Variants in FHOD3 observed in about 807,000 individuals in gnomAD.
The protein encoded by FHOD3 is formin homology 2 domain containing 3, also known as FH1/FH2 domain-containing protein 3.
FHOD3 carries 90 observed loss-of-function variants against 173.0 expected under a neutral mutation model. The ratio of observed to expected loss-of-function variants is 0.52; its 90% confidence interval spans 0.44 to 0.62. The LOEUF is 0.62. Ranked by LOEUF, FHOD3 falls within the 20% of genes least tolerant of loss-of-function variation. The pLI is 0.00. For synonymous variants in FHOD3, 828 were observed against 823.0 expected, an observed-to-expected ratio of 1.01 and a Z score of -0.10; for missense variants, 1,945 against 2,034.7, an observed-to-expected ratio of 0.96 and a Z score of 0.85.
chr18:36,748,477 C>G lies in FHOD3; in HGVS notation c.4232+1342C>G, dbSNP rs529258373. 2.0e-5 allele frequency among the ~76,000 whole-genome samples: 3 copies of G among 152,068 alleles called. No individual in the cohort carries two copies. In the South Asian group the frequency reaches 6.2e-4, roughly 32 times the overall value. ...GAAACTGGAGTAATTTTATGAATGT[C>G]TTATAAAGCTGTTGAGCTTGGTTAT... is the stretch of plus-strand genomic sequence containing the variant. On this transcript the variant is annotated intron_variant, in intron 24 of 28. Coordinates refer to ENST00000590592, the MANE Select transcript of FHOD3 (RefSeq NM_001281740.3).
At position 36,464,328 on chromosome 18, in the gene FHOD3, A is replaced by G. The variant is rs946419319; in HGVS notation, c.338-37604A>G. On this transcript the variant is annotated intron_variant, in intron 3 of 28. Transcript: ENST00000590592. ...CATTAGTAACGTTTGAGCAGTTCCT[A>G]AGGACATTTTGCTGCCCTTAAAATT... 1.2e-4 allele frequency among the ~76,000 whole-genome samples: 18 copies of G among 152,222 alleles called. 1 individual carries two copies. The highest frequency in any genetic ancestry group is 4.1e-4 in the African/African-American group (17 of 41,460).
At position 36,780,181 on chromosome 18, in the gene FHOD3, C is replaced by T; in HGVS notation, c.*651C>T. The T allele has an allele frequency of 4.9e-6, 6 of 1,231,808 alleles. No homozygotes were observed. Among genetic ancestry groups the T allele is most frequent in the Non-Finnish European group, 6.1e-6 (6 of 988,028 alleles). The allele number at this position is 1,231,808 out of a possible 1,614,324, so 76.3% of individuals were successfully genotyped here. A position where few individuals can be genotyped will look rare whatever the true frequency, so the allele number is the denominator to read the frequency against. On this transcript the variant is annotated 3_prime_UTR_variant, in exon 29 of 29. Transcript: ENST00000590592. ...CCCTCGCTTGGAACGGCCTTCAGAT[C>T]CTTTGGGCTGTATTTTGTTAATAGA...
At chr18:36,309,246 C>A (rs2092187818) in intron 1 of FHOD3, among the ~76,000 whole-genome samples, 1 of 152,152 alleles carries the variant, frequency 6.6e-6, no homozygotes, top group Non-Finnish European at 1.5e-5. Context: ...TTTTCCGTTC[C>A]TGCCCATGCT....
At chr18:36,709,416 C>T (rs375936226) in intron 18 of FHOD3, 25 bp downstream of exon 18, 303 of 1,596,508 alleles carry the variant, frequency 1.9e-4, no homozygotes, top group Admixed American at 4.2e-4. Context: ...TTGTTTCAGT[C>T]GGCATGTGCC....
At chr18:36,690,995 A>G (rs113303225) in intron 16 of FHOD3, among the ~76,000 whole-genome samples, 4 of 152,244 alleles carry the variant, frequency 2.6e-5, no homozygotes, top group African/African-American at 7.2e-5. Context: ...AACTCTTCCC[A>G]TGTCTTACAG....
chr18:36,726,394 C>T (rs1425437176), intron 19 of FHOD3, among the ~76,000 whole-genome samples: 1 of 152,124 alleles, frequency 6.6e-6, no homozygotes, highest in Non-Finnish European at 1.5e-5. Context: ...TGCAGAACAA[C>T]TTTCTGATTT....
At chr18:36,646,285 G>A (rs2035676883) in intron 10 of FHOD3, among the ~76,000 whole-genome samples, 1 of 152,132 alleles carries the variant, frequency 6.6e-6, no homozygotes, top group South Asian at 2.1e-4. Context: ...TCAATAATAT[G>A]TACAGTAGCA....
intron 5 of FHOD3, among the ~76,000 whole-genome samples, chr18:36,529,172 A>G (rs964965525): frequency 4.6e-5 from 7 of 152,244 alleles, no homozygotes; most frequent in African/African-American, 7.2e-5. Flanking sequence ...TTTAACTTGA[A>G]TATGCTTTTG....
intron 16 of FHOD3, chr18:36,692,916 CA>C: frequency 2.4e-6 from 1 of 408,682 alleles, no homozygotes. Flanking sequence ...TGCTTATTTA[CA>C]AATGTTCCCT....
chr18:36,580,141 CA>C (rs1189893581), intron 6 of FHOD3, among the ~76,000 whole-genome samples: 3 of 152,090 alleles, frequency 2.0e-5, no homozygotes, highest in Non-Finnish European at 4.4e-5. Flanking sequence ...TTCAAAAATA[CA>C]TTTGTAGGAA....
intron 1 of FHOD3, among the ~76,000 whole-genome samples, chr18:36,298,780 A>AT (rs2091879815): frequency 6.7e-6 from 1 of 150,004 alleles, no homozygotes; most frequent in Non-Finnish European, 1.5e-5. Flanking sequence ...TTTATTTGTT[A>AT]TTTTTATTTA....
chr18:36,459,994 C>T (rs75581017), intron 3 of FHOD3, among the ~76,000 whole-genome samples: 7,332 of 152,154 alleles, frequency 0.048, 557 homozygotes, highest in African/African-American at 0.17. Flanking sequence ...CTAGTTTTGT[C>T]CAGTGCTGGT....
intron 3 of FHOD3, among the ~76,000 whole-genome samples, chr18:36,400,350 C>G (rs1424684444): frequency 6.6e-6 from 1 of 151,932 alleles, no homozygotes; most frequent in Non-Finnish European, 1.5e-5. Context: ...CTTTCCTGTT[C>G]CTCTTCTAAA....
intron 3 of FHOD3, among the ~76,000 whole-genome samples, chr18:36,383,147 G>A (rs1238237339): frequency 1.3e-5 from 2 of 152,194 alleles, no homozygotes; most frequent in African/African-American, 4.8e-5. Context: ...GCCCTGCTGT[G>A]TTCTGTTCTT....
intron 24 of FHOD3, among the ~76,000 whole-genome samples, chr18:36,752,906 G>A (rs968354567): frequency 4.6e-5 from 7 of 152,096 alleles, no homozygotes; most frequent in African/African-American, 1.4e-4. Context: ...TACAGATCTT[G>A]AATAGTTGTT....
chr18:36,732,554 C>G (rs1369892548), intron 20 of FHOD3, among the ~76,000 whole-genome samples: 3 of 152,194 alleles, frequency 2.0e-5, no homozygotes, highest in Non-Finnish European at 2.9e-5. Flanking sequence ...GTTCAAACTT[C>G]CTTCTTCTTA....
chr18:36,535,371 C>T (rs2056954412), intron 5 of FHOD3, among the ~76,000 whole-genome samples: 1 of 152,214 alleles, frequency 6.6e-6, no homozygotes, highest in African/African-American at 2.4e-5. Context: ...GCTTCCATCC[C>T]TTTCCCTGGT....
rs559747636 is a variant in FHOD3, at chr18:36,474,648, C to G, written c.338-27284C>G. Among the ~76,000 whole-genome samples the G allele has an allele frequency of 2.0e-5, 3 of 152,204 alleles. No individual in the cohort carries two copies. The East Asian group carries it at 5.8e-4, about 29-fold the overall frequency. On this transcript the variant is annotated intron_variant, in intron 3 of 28. Coordinates refer to ENST00000590592, the MANE Select transcript of FHOD3 (RefSeq NM_001281740.3). Reference sequence around the variant, plus strand: ...GATACAGAGTGAGGTAGGGTGGCGGCAAGCCTTGGAAACCCCACGGAAGAA... The same window carrying G: ...GATACAGAGTGAGGTAGGGTGGCGGGAAGCCTTGGAAACCCCACGGAAGAA...
At chr18:36,627,467 G>T (rs1006006398) in intron 10 of FHOD3, among the ~76,000 whole-genome samples, 2 of 152,306 alleles carry the variant, frequency 1.3e-5, no homozygotes, top group African/African-American at 4.8e-5. Flanking sequence ...CCTGGGCACG[G>T]TTCACAGTCT....
Sources: gnomAD v4.1 joint callset for allele counts (sites outside exome capture counted in the v4.1 genomes callset) on GRCh38, gnomAD v4.1.1 for gene constraint, MANE v1.5 for transcripts, NCBI Gene and HGNC (gene_info 2026-07-23, HGNC 2026-07-21) for gene names.